Variants in DEPDC4 observed in about 807,000 individuals in gnomAD.
The protein encoded by DEPDC4 is DEP domain containing 4.
DEPDC4 carries 52 observed loss-of-function variants against 52.0 expected under a neutral mutation model. The observed-to-expected ratio is 1.00, with a 90% CI of 0.80 to 1.26. The LOEUF (loss-of-function observed/expected upper bound fraction) is 1.26. DEPDC4 is among the 50% of genes most tolerant of loss of function. DEPDC4 has a pLI of 0.00. For missense variants in DEPDC4, 530 were observed against 546.9 expected, an observed-to-expected ratio of 0.97 and a Z score of 0.31; for synonymous variants, 201 against 196.8, an observed-to-expected ratio of 1.02 and a Z score of -0.18.
chr12:100,271,359 A>G (rs550433569), upstream of DEPDC4, among the ~76,000 whole-genome samples: 1 of 151,934 alleles, frequency 6.6e-6, no homozygotes, highest in African/African-American at 2.4e-5. Flanking sequence ...GTATAAGCAC[A>G]CGTATTTTCC....
rs112153171 is a variant in DEPDC4, at chr12:100,255,710, C to T, written c.878+339G>A. On this transcript the variant is annotated intron_variant, in intron 4 of 9. Coordinates refer to ENST00000550587, the MANE Select transcript of DEPDC4 (RefSeq NM_001364818.2). ...ATGTATGTCTCCCCCTTCTAGACTA[C>T]GGTTTCTTTTAGGGCAGGGATAAAT... Among the ~76,000 whole-genome samples, 820 of 152,262 alleles carry T rather than the reference C, an allele frequency of 5.4e-3. 8 individuals are homozygous for T. Among genetic ancestry groups the T allele is most frequent in the African/African-American group, 0.019 (784 of 41,538 alleles).
At chr12:100,270,166 T>G (rs1488014036), upstream of DEPDC4, among the ~76,000 whole-genome samples, 1 of 152,048 alleles carries the variant, frequency 6.6e-6, no homozygotes, top group Non-Finnish European at 1.5e-5. Flanking sequence ...TTTTGTATTT[T>G]TAGTAGAGAC....
the DEPDC4 span, among the ~76,000 whole-genome samples, chr12:100,272,831 A>G: frequency 6.6e-6 from 1 of 152,168 alleles, no homozygotes; most frequent in African/African-American, 2.4e-5. Flanking sequence ...CCCTTTAAAA[A>G]TTTGTTTAAA....
chr12:100,271,417 A>C (rs1306080011), upstream of DEPDC4, among the ~76,000 whole-genome samples: 5 of 152,180 alleles, frequency 3.3e-5, no homozygotes, highest in African/African-American at 4.8e-5. Context: ...TTCTGAATGT[A>C]ATTCTTGAAT....
intron 8 of DEPDC4, among the ~76,000 whole-genome samples, chr12:100,244,070 CCTCTCTCT>C (rs200666698): frequency 1.7e-4 from 14 of 84,118 alleles, no homozygotes; most frequent in Non-Finnish European, 2.9e-4. Flanking sequence ...GAGGTGTCTC[CCTCTCTCT>C]CTCTCTCTCT....
At chr12:100,258,977 A>G (rs2096244112) in intron 3 of DEPDC4, among the ~76,000 whole-genome samples, 1 of 152,026 alleles carries the variant, frequency 6.6e-6, no homozygotes, top group African/African-American at 2.4e-5. Context: ...AGGCTGAGGC[A>G]CAAGAATCAC....
At chr12:100,250,268 T>C (rs750319741) in intron 7 of DEPDC4, among the ~76,000 whole-genome samples, 3 of 152,154 alleles carry the variant, frequency 2.0e-5, no homozygotes, top group Non-Finnish European at 2.9e-5. Context: ...CAGGCTGGAG[T>C]GCAGCGGTGC....
the DEPDC4 span, among the ~76,000 whole-genome samples, chr12:100,280,562 C>T: frequency 6.6e-6 from 1 of 152,150 alleles, no homozygotes; most frequent in African/African-American, 2.4e-5. Flanking sequence ...TGTCAACAGA[C>T]ATCATCACAA....
intron 5 of DEPDC4, 44 bp from the exon 6 acceptor site, chr12:100,252,580 T>C: frequency 6.5e-7 from 1 of 1,544,832 alleles, no homozygotes; most frequent in Non-Finnish European, 8.7e-7. Context: ...AGATGAAAAA[T>C]GGAGAGTATA....
At chr12:100,271,260 C>CAAAAAAAAAAAAAAAAAAAAA (rs11354103), upstream of DEPDC4, among the ~76,000 whole-genome samples, 1 of 83,336 alleles carries the variant, frequency 1.2e-5, no homozygotes. Flanking sequence ...TGCAGAGCAG[C>CAAAAAAAAAAAAAAAAAAAAA]AAAAAAAAAA....
Position 100,256,198 on chromosome 12 carries a change from A to G in DEPDC4, c.729T>C (p.Cys243=), listed in dbSNP as rs755948865. 2.5e-6 allele frequency: 4 copies of G among 1,612,684 alleles called. No individual in the cohort carries two copies. The East Asian group carries it at 8.9e-5, about 36-fold the overall frequency. The change falls in exon 4 of 10, where the codon TGT becomes TGC. Residue 243 remains cysteine (C), a synonymous_variant. Transcript: ENST00000550587. Reference sequence around the variant, plus strand: ...ATGGAAGGTGAATCAATTGAAGAAGACATAATAATGTTTGTTCTTTCCAAA... The same window carrying G: ...ATGGAAGGTGAATCAATTGAAGAAGGCATAATAATGTTTGTTCTTTCCAAA... The part of the protein sequence containing the change: ...EDVWKEQTLL[C]LLQLIHLPFL...
At chr12:100,270,069 C>T (rs1009300533), upstream of DEPDC4, among the ~76,000 whole-genome samples, 11 of 151,700 alleles carry the variant, frequency 7.3e-5, no homozygotes, top group Non-Finnish European at 1.5e-4. Flanking sequence ...TCACTGCAAG[C>T]TCCGCCTCCC....
At chr12:100,267,212 T>TCCCTC, upstream of DEPDC4, 1 of 892,994 alleles carries the variant, frequency 1.1e-6, no homozygotes, top group Non-Finnish European at 1.7e-6. Context: ...TCGTCCCCGG[T>TCCCTC]CCCTCCCCTC....
intron 1 of DEPDC4, among the ~76,000 whole-genome samples, chr12:100,265,573 C>T (rs1390908821): frequency 6.6e-6 from 1 of 150,744 alleles, no homozygotes; most frequent in East Asian, 1.9e-4. Flanking sequence ...CCAGCCTGGG[C>T]AAGGGAAAAA....
At chr12:100,262,234 T>TTA in intron 3 of DEPDC4, 30 bp downstream of exon 3, 2 of 1,593,930 alleles carry the variant, frequency 1.3e-6, no homozygotes, top group Non-Finnish European at 1.7e-6. Context: ...TTCCTTACCA[T>TTA]GTTCTGAAAA....
chr12:100,275,089 A>G, the DEPDC4 span, among the ~76,000 whole-genome samples: 1 of 152,124 alleles, frequency 6.6e-6, no homozygotes, highest in Admixed American at 6.5e-5. Context: ...TTTTGTTTTC[A>G]TTGTATAGAT....
chr12:100,281,758 C>T, the DEPDC4 span, among the ~76,000 whole-genome samples: 2 of 149,860 alleles, frequency 1.3e-5, no homozygotes, highest in Non-Finnish European at 3.0e-5. Context: ...GGCGTGAACC[C>T]GGGAGGCGGA....
the DEPDC4 span, among the ~76,000 whole-genome samples, chr12:100,273,595 GATAGCATCTCAA>G: frequency 1.3e-5 from 2 of 152,146 alleles, no homozygotes; most frequent in African/African-American, 2.4e-5. Flanking sequence ...CTGGATGATG[GATAGCATCTCAA>G]ATTTGAATAT....
intron 2 of DEPDC4, 76 bp from the exon 3 acceptor site, chr12:100,262,485 T>TGAA: frequency 1.7e-6 from 2 of 1,161,568 alleles, no homozygotes; most frequent in Non-Finnish European, 2.3e-6. Flanking sequence ...AATTAATGTA[T>TGAA]TAAAATTTAT....
Sources: allele counts gnomAD v4.1 joint callset (sites outside exome capture counted in the v4.1 genomes callset), GRCh38; gene constraint gnomAD v4.1.1; transcripts MANE v1.5; gene names NCBI Gene and HGNC (gene_info 2026-07-23, HGNC 2026-07-21).